The following FGF1 variants were observed in gnomAD, a reference collection of about 807,000 sequenced individuals.
FGF1 encodes fibroblast growth factor 1.
FGF1 carries 9 observed loss-of-function variants against 13.4 expected under a neutral mutation model. That is an observed-to-expected ratio of 0.67 (90% CI 0.40 to 1.17). The LOEUF is 1.17. Among genes scored for constraint, FGF1 ranks in the 50% most tolerant of loss-of-function variants. FGF1 has a pLI of 0.01. For synonymous variants in FGF1, 93 were observed against 79.0 expected (o/e 1.18, Z -0.94); for missense variants, 156 against 192.7 (o/e 0.81, Z 1.13).
intron 1 of FGF1, among the ~76,000 whole-genome samples, chr5:142,641,420 T>C (rs1224820500): frequency 6.6e-6 from 1 of 152,032 alleles, no homozygotes; most frequent in South Asian, 2.1e-4. Flanking sequence ...CAGAATGTTT[T>C]TGTCTTGAAT....
chr5:142,675,911 A>G (rs1772493346), intron 1 of FGF1, among the ~76,000 whole-genome samples: 1 of 152,216 alleles, frequency 6.6e-6, no homozygotes, highest in South Asian at 2.1e-4. Flanking sequence ...TGGGAACCCC[A>G]AAGCCTTTTT....
At chr5:142,640,730 T>C (rs1765065563) in intron 1 of FGF1, among the ~76,000 whole-genome samples, 1 of 151,996 alleles carries the variant, frequency 6.6e-6, no homozygotes, top group Non-Finnish European at 1.5e-5. Context: ...TCTGAACCTG[T>C]CCTCATCCCC....
intron 1 of FGF1, among the ~76,000 whole-genome samples, chr5:142,631,374 T>C (rs985466388): frequency 4.6e-5 from 7 of 152,142 alleles, no homozygotes; most frequent in African/African-American, 1.7e-4. Context: ...CTTATAAAAA[T>C]AGACCGGACT....
intron 1 of FGF1, chr5:142,626,642 T>G (rs1762502802): frequency 6.6e-6 from 1 of 152,264 alleles, no homozygotes; most frequent in African/African-American, 2.4e-5. Context: ...GAATGGAACT[T>G]TGCAAGTTCC....
At chr5:142,616,738 C>T (rs1262012663) in intron 1 of FGF1, among the ~76,000 whole-genome samples, 1 of 152,204 alleles carries the variant, frequency 6.6e-6, no homozygotes, top group Non-Finnish European at 1.5e-5. Flanking sequence ...GGATCCACTT[C>T]TAATGTAAAG....
chr5:142,596,516 G>T (rs1004541418), intron 3 of FGF1, among the ~76,000 whole-genome samples: 1 of 149,736 alleles, frequency 6.7e-6, no homozygotes, highest in Non-Finnish European at 1.5e-5. Context: ...GCTGAGGCAG[G>T]AGGATTGCTT....
intron 1 of FGF1, among the ~76,000 whole-genome samples, chr5:142,655,003 A>G (rs746184920): frequency 6.6e-6 from 1 of 152,202 alleles, no homozygotes; most frequent in Admixed American, 6.5e-5. Context: ...CCCCAGCTCC[A>G]AGGAAAACAG....
chr5:142,608,381 T>G (rs1758160498), intron 2 of FGF1, among the ~76,000 whole-genome samples: 1 of 151,976 alleles, frequency 6.6e-6, no homozygotes, highest in Admixed American at 6.6e-5. Flanking sequence ...GCGGTTGTTT[T>G]ATGTCAGTGA....
intron 1 of FGF1, among the ~76,000 whole-genome samples, chr5:142,683,290 G>A (rs569049098): frequency 3.3e-5 from 5 of 152,252 alleles, no homozygotes; most frequent in East Asian, 1.9e-4. Flanking sequence ...TGTCAGAGGC[G>A]TTCGAACCAG....
chr5:142,597,289 T>C (rs1355195783), intron 3 of FGF1, among the ~76,000 whole-genome samples: 1 of 152,200 alleles, frequency 6.6e-6, no homozygotes, highest in Admixed American at 6.5e-5. Flanking sequence ...TGTACAACTG[T>C]ATTTTTGAGG....
chr5:142,657,997 C>T (rs1768480564), intron 1 of FGF1, among the ~76,000 whole-genome samples: 1 of 152,236 alleles, frequency 6.6e-6, no homozygotes, highest in African/African-American at 2.4e-5. Flanking sequence ...CCTGTGCCTC[C>T]ACCCTGGTCT....
At chr5:142,662,502 G>A (rs963722958) in intron 1 of FGF1, among the ~76,000 whole-genome samples, 1 of 152,164 alleles carries the variant, frequency 6.6e-6, no homozygotes, top group African/African-American at 2.4e-5. Context: ...TGTTGATGTT[G>A]TCACTATTAT....
rs1029239903 is a variant in FGF1 at position 142,653,976 on chromosome 5, C to T, written c.-35+31981G>A. ...GCGTGGTGGCGTGCACCTGTAGTCC[C>T]GGCTACTCGGGAGGCTGAGGCTGGA... On this transcript the variant is annotated intron_variant, in intron 1 of 3. Transcript: ENST00000337706. Among the ~76,000 whole-genome samples the T allele has an allele frequency of 9.9e-5, 15 of 152,250 alleles. No individual in the cohort carries two copies. The South Asian group carries it at 2.5e-3, about 25-fold the overall frequency.
At chr5:142,695,446 G>A (rs1752950337) in intron 2 of FGF1, among the ~76,000 whole-genome samples, 1 of 152,030 alleles carries the variant, frequency 6.6e-6, no homozygotes, top group Admixed American at 6.6e-5. Flanking sequence ...GCTGGGTGTG[G>A]TGGTGGATGC....
intron 2 of FGF1, among the ~76,000 whole-genome samples, chr5:142,694,029 G>T (rs74401362): frequency 6.9e-6 from 1 of 144,284 alleles, no homozygotes; most frequent in African/African-American, 2.5e-5. Flanking sequence ...GTCTAGCAGT[G>T]TTTTTTTTTT....
chr5:142,683,241 C>T (rs1323378270), intron 1 of FGF1, among the ~76,000 whole-genome samples: 3 of 152,202 alleles, frequency 2.0e-5, no homozygotes, highest in Non-Finnish European at 4.4e-5. Flanking sequence ...CCACTCTGCA[C>T]AATACCTAAC....
intron 1 of FGF1, among the ~76,000 whole-genome samples, chr5:142,635,754 C>G (rs1764142510): frequency 6.6e-6 from 1 of 152,202 alleles, no homozygotes; most frequent in Admixed American, 6.5e-5. Flanking sequence ...CTGGCACCCA[C>G]ATGTTCAACA....
intron 3 of FGF1, among the ~76,000 whole-genome samples, chr5:142,599,420 G>A (rs1173702792): frequency 2.6e-5 from 4 of 152,186 alleles, no homozygotes; most frequent in African/African-American, 9.6e-5. Context: ...CTTCAAGAGA[G>A]GGTTTCTGTG....
intron 1 of FGF1, among the ~76,000 whole-genome samples, chr5:142,618,065 G>T (rs1429971492): frequency 6.6e-6 from 1 of 152,188 alleles, no homozygotes; most frequent in African/African-American, 2.4e-5. Context: ...GCTGTCAGAG[G>T]AGGGGATTGT....
Sources: allele counts gnomAD v4.1 joint callset (sites outside exome capture counted in the v4.1 genomes callset), GRCh38; gene constraint gnomAD v4.1.1; transcripts MANE v1.5; gene names NCBI Gene and HGNC (gene_info 2026-07-23, HGNC 2026-07-21).